NEGR1: variants seen among roughly 807,000 people sequenced by gnomAD.
The protein encoded by NEGR1 is neuronal growth regulator 1.
A neutral mutation model predicts 40.9 loss-of-function variants in NEGR1; 10 were observed. The observed-to-expected ratio is 0.24, with a 90% CI of 0.15 to 0.42. The LOEUF is 0.42. Ranked by LOEUF, NEGR1 falls within the 10% of genes least tolerant of loss-of-function variation. The probability of loss-of-function intolerance (pLI) is 1.00; values close to 1 mark genes in which losing one functional copy is unlikely to be tolerated. For missense variants in NEGR1, 352 were observed against 438.9 expected (o/e 0.80, Z 1.77); for synonymous variants, 185 against 166.8 (o/e 1.11, Z -0.84).
intron 2 of NEGR1, among the ~76,000 whole-genome samples, chr1:71,909,793 G>A (rs1006878545): frequency 3.9e-5 from 6 of 152,130 alleles, no homozygotes; most frequent in South Asian, 2.1e-4. Context: ...TGTGAAGACC[G>A]AATCAATACA....
chr1:71,486,837 C>T (rs1000943869), intron 6 of NEGR1: 1 of 151,254 alleles, frequency 6.6e-6, no homozygotes, highest in South Asian at 2.1e-4. Context: ...GTAAATAATA[C>T]CTAACAAGGC....
chr1:72,207,530 G>C (rs1653455895), intron 1 of NEGR1, among the ~76,000 whole-genome samples: 2 of 151,790 alleles, frequency 1.3e-5, no homozygotes, highest in South Asian at 4.1e-4. Context: ...AAGTTTTCCT[G>C]AAAGCAAATC....
chr1:72,261,132 T>C (rs1346500623), intron 1 of NEGR1, among the ~76,000 whole-genome samples: 5 of 152,040 alleles, frequency 3.3e-5, no homozygotes, highest in African/African-American at 9.7e-5. Flanking sequence ...AGTCAGAATA[T>C]GAGCCTAAAC....
At chr1:72,182,895 A>C (rs1557566698) in intron 1 of NEGR1, among the ~76,000 whole-genome samples, 1 of 151,852 alleles carries the variant, frequency 6.6e-6, no homozygotes, top group Non-Finnish European at 1.5e-5. Flanking sequence ...TCTATTTGTG[A>C]CACTTCATAT....
intron 3 of NEGR1, among the ~76,000 whole-genome samples, chr1:71,728,317 C>T (rs1419673440): frequency 6.6e-6 from 1 of 152,174 alleles, no homozygotes; most frequent in Middle Eastern, 3.4e-3. Flanking sequence ...TAAAATAACA[C>T]ATTGGAGTCC....
intron 2 of NEGR1, among the ~76,000 whole-genome samples, chr1:71,881,803 C>G (rs905077577): frequency 6.6e-6 from 1 of 152,034 alleles, no homozygotes; most frequent in Non-Finnish European, 1.5e-5. Context: ...TTCTGAATGT[C>G]TTTCCTCTTT....
At chr1:71,864,199 T>C (rs1284841530) in intron 2 of NEGR1, among the ~76,000 whole-genome samples, 2 of 152,154 alleles carry the variant, frequency 1.3e-5, no homozygotes, top group African/African-American at 4.8e-5. Flanking sequence ...GTACCACCTC[T>C]TGGTATCACT....
At chr1:71,483,204 C>T (rs1646865672) in intron 6 of NEGR1, among the ~76,000 whole-genome samples, 1 of 150,822 alleles carries the variant, frequency 6.6e-6, no homozygotes, top group African/African-American at 2.4e-5. Context: ...GCACAAAGCC[C>T]AGTTTGATTG....
intron 1 of NEGR1, among the ~76,000 whole-genome samples, chr1:72,137,037 C>T (rs569688465): frequency 6.6e-6 from 1 of 152,200 alleles, no homozygotes; most frequent in East Asian, 1.9e-4. Context: ...AAATCAAAAC[C>T]ACAATGAGAT....
chr1:71,979,431 A>G (rs1014749619), intron 1 of NEGR1, among the ~76,000 whole-genome samples: 8 of 152,146 alleles, frequency 5.3e-5, no homozygotes, highest in African/African-American at 1.9e-4. Flanking sequence ...TAGAAATAAT[A>G]CCACTTCCAT....
At chr1:71,415,558 C>G (rs577723817) in intron 6 of NEGR1, among the ~76,000 whole-genome samples, 1 of 152,226 alleles carries the variant, frequency 6.6e-6, no homozygotes, top group Admixed American at 6.5e-5. Context: ...CCAGATGAAA[C>G]TCTCCAAGAC....
At chr1:71,566,789 A>G (rs1648633796) in intron 6 of NEGR1, among the ~76,000 whole-genome samples, 1 of 152,214 alleles carries the variant, frequency 6.6e-6, no homozygotes, top group Non-Finnish European at 1.5e-5. Flanking sequence ...CTTATAAATA[A>G]TAGAAATGTA....
chr1:71,756,087 C>G (rs1205769112), intron 3 of NEGR1, among the ~76,000 whole-genome samples: 1 of 152,046 alleles, frequency 6.6e-6, no homozygotes, highest in Non-Finnish European at 1.5e-5. Flanking sequence ...AAAAGTTACA[C>G]TAGCAAGAAG....
chr1:72,137,794 CT>C (rs1460274554), intron 1 of NEGR1, among the ~76,000 whole-genome samples: 1 of 151,896 alleles, frequency 6.6e-6, no homozygotes, highest in East Asian at 1.9e-4. Flanking sequence ...GATAGAGAAA[CT>C]TTTTTAAAAG....
At chr1:72,025,479 T>C (rs1646799209) in intron 1 of NEGR1, among the ~76,000 whole-genome samples, 3 of 152,278 alleles carry the variant, frequency 2.0e-5, no homozygotes, top group South Asian at 4.1e-4. Flanking sequence ...TCAATAACTA[T>C]CTAAGGAACA....
At chr1:71,934,613 T>C (rs989041083) in intron 2 of NEGR1, among the ~76,000 whole-genome samples, 1 of 152,180 alleles carries the variant, frequency 6.6e-6, no homozygotes, top group Non-Finnish European at 1.5e-5. Context: ...GTATCTATTG[T>C]AGGTTTCAAA....
chr1:71,944,836 CTAAT>C (rs1646002505), intron 1 of NEGR1, among the ~76,000 whole-genome samples: 1 of 152,080 alleles, frequency 6.6e-6, no homozygotes, highest in South Asian at 2.1e-4. Flanking sequence ...ACACAGTCAA[CTAAT>C]TAAAGCTAGC....
chr1:71,824,314 T>C (rs575654837), intron 2 of NEGR1, among the ~76,000 whole-genome samples: 106 of 151,884 alleles, frequency 7.0e-4, no homozygotes, highest in African/African-American at 2.3e-3. Flanking sequence ...ATTTGTTTCT[T>C]TTGCTAAATA....
At chr1:72,093,596 A>G (rs750174616) in intron 1 of NEGR1, among the ~76,000 whole-genome samples, 8 of 152,172 alleles carry the variant, frequency 5.3e-5, no homozygotes, top group Non-Finnish European at 1.0e-4. Flanking sequence ...TTCCATATCA[A>G]AACCTAATGA....
Sources: gnomAD v4.1 joint callset for allele counts (sites outside exome capture counted in the v4.1 genomes callset) on GRCh38, gnomAD v4.1.1 for gene constraint, MANE v1.5 for transcripts, NCBI Gene and HGNC (gene_info 2026-07-23, HGNC 2026-07-21) for gene names.